The following GRM3 variants were observed in gnomAD, a reference collection of about 807,000 sequenced individuals.
The protein encoded by GRM3 is glutamate metabotropic receptor 3, also known as metabotropic glutamate receptor 3.
A neutral mutation model predicts 70.5 loss-of-function variants in GRM3; 26 were observed. That is an observed-to-expected ratio of 0.37 (90% CI 0.27 to 0.51). The LOEUF is 0.51. GRM3 is among the 20% of genes least tolerant of loss of function. The probability of loss-of-function intolerance (pLI) is 0.93; values close to 1 mark genes in which losing one functional copy is unlikely to be tolerated. For synonymous variants in GRM3, 443 were observed against 434.9 expected (o/e 1.02, Z -0.23); for missense variants, 859 against 1,123.8 (o/e 0.76, Z 3.37).
At chr7:86,743,521 G>A (rs1796036245) in intron 1 of GRM3, among the ~76,000 whole-genome samples, 1 of 152,074 alleles carries the variant, frequency 6.6e-6, no homozygotes, top group Non-Finnish European at 1.5e-5. Context: ...CCTTGCAGCT[G>A]CATATATTGT....
At chr7:86,709,103 A>G (rs1795132880) in intron 1 of GRM3, among the ~76,000 whole-genome samples, 1 of 152,070 alleles carries the variant, frequency 6.6e-6, no homozygotes, top group African/African-American at 2.4e-5. Flanking sequence ...TGATTTCCCT[A>G]TGTGCCCTTG....
chr7:86,787,067 G>A lies in GRM3; in HGVS notation c.1275G>A (p.Leu425=), dbSNP rs1056990405. 6.2e-7 allele frequency: 1 copy of A among 1,612,260 alleles called. No homozygotes were observed. The highest frequency in any genetic ancestry group is 8.5e-7 in the Non-Finnish European group (1 of 1,178,990). Residue 425 remains leucine (L), a synonymous_variant, in exon 3 of 6, where the codon CTG becomes CTA. Transcript: ENST00000361669. ...AGCTTTGTGATGCTATGAAGATCCTGGATGGGAAGAAGTTGTACAAGGATT... is the reference window on the plus strand; with the variant it reads ...AGCTTTGTGATGCTATGAAGATCCTAGATGGGAAGAAGTTGTACAAGGATT... The part of the protein sequence containing the change: ...TTKLCDAMKI[L]DGKKLYKDYL...
At chr7:86,756,385 T>C (rs1389079258) in intron 1 of GRM3, among the ~76,000 whole-genome samples, 1 of 152,104 alleles carries the variant, frequency 6.6e-6, no homozygotes, top group Non-Finnish European at 1.5e-5. Context: ...GGCCCTCCTC[T>C]AGCATTTCTG....
intron 2 of GRM3, among the ~76,000 whole-genome samples, chr7:86,774,305 C>T (rs1796827474): frequency 6.6e-6 from 1 of 151,984 alleles, no homozygotes; most frequent in African/African-American, 2.4e-5. Flanking sequence ...GTTGAAAATT[C>T]ACAGATTACC....
intron 1 of GRM3, among the ~76,000 whole-genome samples, chr7:86,756,579 T>C (rs538154526): frequency 2.6e-5 from 4 of 152,318 alleles, no homozygotes; most frequent in East Asian, 3.9e-4. Context: ...CTATCATTAA[T>C]ATTGTTGTTA....
intron 1 of GRM3, among the ~76,000 whole-genome samples, chr7:86,650,127 A>T (rs765762973): frequency 1.3e-5 from 2 of 152,160 alleles, no homozygotes; most frequent in Non-Finnish European, 2.9e-5. Context: ...ATAATTATTA[A>T]CCAACTTCCC....
chr7:86,740,965 A>G (rs1795977461), intron 1 of GRM3, among the ~76,000 whole-genome samples: 1 of 152,196 alleles, frequency 6.6e-6, no homozygotes, highest in Non-Finnish European at 1.5e-5. Context: ...CAACCTTTGC[A>G]GGCAGATGAA....
At chr7:86,791,527 CA>C (rs757576126) in intron 3 of GRM3, among the ~76,000 whole-genome samples, 8 of 152,166 alleles carry the variant, frequency 5.3e-5, no homozygotes, top group Non-Finnish European at 8.8e-5. Flanking sequence ...CAAGATCAGT[CA>C]GCTGGTTAGT....
At position 86,787,242 on chromosome 7, in the gene GRM3, C is replaced by A. The variant is rs139883982; in HGVS notation, c.1324+126C>A. ...CCATAAAAAGGGTTCAAACTGTTAA[C>A]CAAATATTCCAGGATGCAATAGGAT... is the stretch of plus-strand genomic sequence containing the variant. On this transcript the variant is annotated intron_variant, in intron 3 of 5. Transcript: ENST00000361669. 1,424 of 764,322 alleles carry A rather than the reference C, an allele frequency of 1.9e-3. 22 individuals carry two copies. In the East Asian group the frequency reaches 0.026, roughly 14 times the overall value. 47.3% of individuals were successfully genotyped at this position (764,322 alleles called of 1,614,324 possible).
intron 1 of GRM3, among the ~76,000 whole-genome samples, chr7:86,747,754 G>C (rs1248588163): frequency 6.6e-6 from 1 of 152,070 alleles, no homozygotes; most frequent in Admixed American, 6.6e-5. Flanking sequence ...ATAATCAGCT[G>C]TTTTTATTAA....
chr7:86,829,275 T>A (rs868346299), intron 3 of GRM3, among the ~76,000 whole-genome samples: 31 of 152,258 alleles, frequency 2.0e-4, no homozygotes, highest in African/African-American at 7.2e-4. Context: ...TTTAAGGGAA[T>A]CTTGCGTCTG....
chr7:86,832,822 T>C (rs1020280323), intron 3 of GRM3, among the ~76,000 whole-genome samples: 2 of 152,038 alleles, frequency 1.3e-5, no homozygotes, highest in Non-Finnish European at 1.5e-5. Context: ...GAAACTGGGG[T>C]CAGAACTAAT....
chr7:86,706,940 G>T (rs1327392562), intron 1 of GRM3, among the ~76,000 whole-genome samples: 1 of 151,986 alleles, frequency 6.6e-6, no homozygotes, highest in Non-Finnish European at 1.5e-5. Flanking sequence ...ATACAATTTT[G>T]CACTTAGATA....
intron 1 of GRM3, among the ~76,000 whole-genome samples, chr7:86,734,188 TCTTCTA>T (rs1256878222): frequency 6.6e-6 from 1 of 152,222 alleles, no homozygotes; most frequent in African/African-American, 2.4e-5. Context: ...GAAGGTATTT[TCTTCTA>T]CTTCTAACTG....
In GRM3 at chr7:86,839,533, C is replaced by A; in HGVS notation, c.2019C>A (p.Val673=). 6.2e-7 allele frequency: 1 copy of A among 1,607,968 alleles called. No individual in the cohort carries two copies. The highest frequency in any genetic ancestry group is 1.1e-5 in the South Asian group (1 of 90,178). ...GCATTGCCCGCATCTTCGATGGGGTCAAGAATGGCGCTCAGAGGCCAAAAT... is the reference window on the plus strand; with the variant it reads ...GCATTGCCCGCATCTTCGATGGGGTAAAGAATGGCGCTCAGAGGCCAAAAT... ...TNCIARIFDG[V]KNGAQRPKFI... Residue 673 remains valine (V), a synonymous_variant, in exon 4 of 6, where the codon GTC becomes GTA. Transcript: ENST00000361669. This position sits in a 1 kb window ranked among gnomAD's most constrained non-coding sequence, Gnocchi z 4.5.
chr7:86,784,220 T>C (rs1797161371), intron 2 of GRM3: 1 of 152,064 alleles, frequency 6.6e-6, no homozygotes, highest in Non-Finnish European at 1.5e-5. Context: ...CTTTTTTGTT[T>C]TTTTTTTGAG....
intron 3 of GRM3, among the ~76,000 whole-genome samples, chr7:86,811,969 A>G (rs1797918655): frequency 6.6e-6 from 1 of 151,454 alleles, no homozygotes; most frequent in African/African-American, 2.4e-5. Context: ...TAATTTCTAT[A>G]TAATAGAAAT....
At chr7:86,846,835 T>C (rs1008988778) in intron 4 of GRM3, among the ~76,000 whole-genome samples, 5 of 152,244 alleles carry the variant, frequency 3.3e-5, no homozygotes, top group African/African-American at 1.2e-4. Context: ...GAAAAAGCCA[T>C]GTGTCTGTTG....
intron 1 of GRM3, among the ~76,000 whole-genome samples, chr7:86,694,949 A>T (rs1246788635): frequency 6.6e-6 from 1 of 152,200 alleles, no homozygotes; most frequent in Non-Finnish European, 1.5e-5. Context: ...GTAATGAAGG[A>T]AGATCAAGGG....
Sources: gnomAD v4.1 joint callset for allele counts (sites outside exome capture counted in the v4.1 genomes callset) on GRCh38, gnomAD v4.1.1 for gene constraint, Gnocchi (gnomAD v3.1) non-coding constraint, MANE v1.5 for transcripts, NCBI Gene and HGNC (gene_info 2026-07-23, HGNC 2026-07-21) for gene names.